LKAAEAR1: variants seen among roughly 807,000 people sequenced by gnomAD.
The protein encoded by LKAAEAR1 is protein LKAAEAR1.
In LKAAEAR1, 19 loss-of-function variants were observed where a neutral mutation model predicts 16.5. The observed-to-expected ratio is 1.15, with a 90% CI of 0.80 to 1.69. LKAAEAR1 has a LOEUF of 1.69. Ranked by LOEUF, LKAAEAR1 falls within the 40% of genes most tolerant of loss-of-function variation. The probability of loss-of-function intolerance (pLI) is 0.00; values close to 1 mark genes in which losing one functional copy is unlikely to be tolerated. For missense variants in LKAAEAR1, 304 were observed against 315.8 expected, an observed-to-expected ratio of 0.96 and a Z score of 0.28; for synonymous variants, 124 against 152.7, an observed-to-expected ratio of 0.81 and a Z score of 1.39.
chr20:64,084,254 C>CGGTGCCGGGGCT lies in LKAAEAR1; in HGVS notation c.-47_-36dup, dbSNP rs2060016175. On this transcript the variant is annotated 5_prime_UTR_variant, in exon 1 of 3. Coordinates refer to ENST00000302096, the MANE Select transcript of LKAAEAR1 (RefSeq NM_001353425.2). ...CTGCGGAGGGAGGAGGGCGTCCCGT[C>CGGTGCCGGGGCT]GGTGCCGGGGCTGGCACCGGGCCCT... is the stretch of plus-strand genomic sequence containing the variant. 3 of 1,353,048 alleles carry CGGTGCCGGGGCT rather than the reference C, an allele frequency of 2.2e-6. No individual in the cohort carries two copies. Among genetic ancestry groups the CGGTGCCGGGGCT allele is most frequent in the Non-Finnish European group, 1.9e-6 (2 of 1,058,994 alleles). The allele number at this position is 1,353,048 out of a possible 1,614,324, so 83.8% of individuals were successfully genotyped here.
Position 64,083,384 on chromosome 20 carries a change from A to G in LKAAEAR1, c.*51T>C. 6.2e-7 allele frequency: 1 copy of G among 1,610,630 alleles called. No homozygotes were observed. The highest frequency in any genetic ancestry group is 2.2e-5 in the East Asian group (1 of 44,598). ...AAAAAGACCAGCGAGCCTTCGGAGA[A>G]TTATAACTTTATGTGGGAGGCTGGG... On this transcript the variant is annotated 3_prime_UTR_variant, in exon 3 of 3. Coordinates refer to ENST00000302096, the MANE Select transcript of LKAAEAR1 (RefSeq NM_001353425.2). The surrounding 1 kb of genome is among the most constrained non-coding windows in gnomAD (Gnocchi z 4.9).
Position 64,083,914 on chromosome 20 carries a change from C to T in LKAAEAR1, c.306G>A (p.Leu102=), listed in dbSNP as rs532442708. The T allele has an allele frequency of 6.9e-7, 1 of 1,448,954 alleles. No individual in the cohort carries two copies. Among genetic ancestry groups the T allele is most frequent in the East Asian group, 3.0e-5 (1 of 32,926 alleles). The allele number at this position is 1,448,954 out of a possible 1,614,324, so 89.8% of individuals were successfully genotyped here. The change falls in exon 1 of 3, where the codon CTG becomes CTA. Residue 102 remains leucine, a synonymous_variant. Coordinates refer to ENST00000302096, the MANE Select transcript of LKAAEAR1 (RefSeq NM_001353425.2). The surrounding 1 kb of genome is among the most constrained non-coding windows in gnomAD (Gnocchi z 4.9). The part of the protein sequence containing the change: ...DPRPWTQSLE[L]PAERQNRLLG... ...GGAGCCGGTTCTGGCGCTCGGCGGGCAGCTCGAGCGACTGCGTCCACGGGC... is the reference window on the plus strand; with the variant it reads ...GGAGCCGGTTCTGGCGCTCGGCGGGTAGCTCGAGCGACTGCGTCCACGGGC...
At position 64,084,108 on chromosome 20, in the gene LKAAEAR1, C is replaced by G. The variant is rs1449094581; in HGVS notation, c.112G>C (p.Glu38Gln). The G allele has an allele frequency of 9.5e-6, 14 of 1,473,416 alleles. No homozygotes were observed. Among genetic ancestry groups the G allele is most frequent in the South Asian group, 9.0e-5 (7 of 77,466 alleles). The allele number at this position is 1,473,416 out of a possible 1,614,324, so 91.3% of individuals were successfully genotyped here. The change falls in exon 1 of 3, where the codon GAG becomes CAG. Residue 38 changes from glutamate (E) to glutamine (Q), a missense_variant. Transcript: ENST00000302096. ...AGGGCCCAGCCCGGCTTGGGGGGCT[C>G]TGTCGCGGGCGCCCCCTTGGCACGC... Reference protein sequence around the residue: ...EERAKGAPATEPPKPGWALTP... With the variant: ...EERAKGAPATQPPKPGWALTP...
At position 64,083,782 on chromosome 20, in the gene LKAAEAR1, G is replaced by A; in HGVS notation, c.402+36C>T. On this transcript the variant is annotated intron_variant, in intron 1 of 2. Coordinates refer to ENST00000302096, the MANE Select transcript of LKAAEAR1 (RefSeq NM_001353425.2). This position sits in a 1 kb window ranked among gnomAD's most constrained non-coding sequence, Gnocchi z 4.9. The stretch of plus-strand genomic sequence containing the variant: ...CGGCCGGCTCCGCTCAACGCTCCCG[G>A]TGCGCCCCCTCTGCCCTCCGACCCC... The A allele has an allele frequency of 1.5e-6, 2 of 1,334,394 alleles. No individual in the cohort carries two copies. Among genetic ancestry groups the A allele is most frequent in the South Asian group, 1.9e-5 (1 of 51,284 alleles). 82.7% of individuals were successfully genotyped at this position (1,334,394 alleles called of 1,614,324 possible).
At position 64,084,093 on chromosome 20, in the gene LKAAEAR1, C is replaced by A. The variant is rs1280956252; in HGVS notation, c.127G>T (p.Gly43Cys). 6.7e-7 allele frequency: 1 copy of A among 1,484,110 alleles called. No homozygotes were observed. Among genetic ancestry groups the A allele is most frequent in the South Asian group, 1.3e-5 (1 of 78,470 alleles). 91.9% of individuals were successfully genotyped at this position (1,484,110 alleles called of 1,614,324 possible). A position where few individuals can be genotyped will look rare whatever the true frequency, so the allele number is the denominator to read the frequency against. The part of the protein sequence containing the change: ...GAPATEPPKP[G>C]WALTPQGLAA... ...AGTCCCTGCGGCGTCAGGGCCCAGC[C>A]CGGCTTGGGGGGCTCTGTCGCGGGC... Residue 43 changes from glycine (G) to cysteine (C), a missense_variant, in exon 1 of 3, where the codon GGC becomes TGC. Gly to Cys is a radical substitution (Grantham distance 159). Coordinates refer to ENST00000302096, the MANE Select transcript of LKAAEAR1 (RefSeq NM_001353425.2).
rs1391351314 is a variant in LKAAEAR1 at position 64,083,692 on chromosome 20, G to C, written c.416C>G (p.Ala139Gly). The C allele has an allele frequency of 7.1e-7, 1 of 1,410,074 alleles. No individual in the cohort carries two copies. The highest frequency in any genetic ancestry group is 1.5e-5 in the African/African-American group (1 of 65,950). 87.3% of individuals were successfully genotyped at this position (1,410,074 alleles called of 1,614,324 possible). A position where few individuals can be genotyped will look rare whatever the true frequency, so the allele number is the denominator to read the frequency against. ...RYTRMRAEEI[A>G]LLIQRQKSAR... ...GGACTTCTGCCGCTGGATGAGCAGC[G>C]CGATCTCCTCGGCCTGCGGGGCCCG... Residue 139 changes from alanine to glycine, a missense_variant, in exon 2 of 3, where the codon GCG (alanine) becomes GGG (glycine). Physicochemically the swap from Ala to Gly is moderately conservative, Grantham distance 60 (BLOSUM62 0). Transcript: ENST00000302096. This position sits in a 1 kb window ranked among gnomAD's most constrained non-coding sequence, Gnocchi z 4.9.
chr20:64,084,155 G>A lies in LKAAEAR1; in HGVS notation c.65C>T (p.Pro22Leu), dbSNP rs2060012857. 2 of 1,455,208 alleles carry A rather than the reference G, an allele frequency of 1.4e-6. No homozygotes were observed. Among genetic ancestry groups the A allele is most frequent in the African/African-American group, 1.5e-5 (1 of 67,618 alleles). 90.1% of individuals were successfully genotyped at this position (1,455,208 alleles called of 1,614,324 possible). A position where few individuals can be genotyped will look rare whatever the true frequency, so the allele number is the denominator to read the frequency against. The part of the protein sequence containing the change: ...GPRERSGKSA[P>L]GTAQGEERAK... Reference sequence around the variant, plus strand: ...ACGCTCCTCACCCTGCGCCGTGCCTGGCGCGCTCTTCCCGCTTCGCTCCCG... The same window carrying A: ...ACGCTCCTCACCCTGCGCCGTGCCTAGCGCGCTCTTCCCGCTTCGCTCCCG... The change falls in exon 1 of 3, where the codon CCA becomes CTA. Residue 22 changes from proline (P) to leucine (L), a missense_variant. Pro to Leu is a moderately conservative substitution (Grantham distance 98). Coordinates refer to ENST00000302096, the MANE Select transcript of LKAAEAR1 (RefSeq NM_001353425.2).
chr20:64,084,202 C>A lies in LKAAEAR1; in HGVS notation c.18G>T (p.Lys6Asn). Reference protein sequence around the residue: MPPPAKEGGRKGPRER... With the variant: MPPPANEGGRKGPRER... ...CCCGCGGGCCCTTGCGCCCGCCCTC[C>A]TTCGCTGGCGGCGGCATCCTCCCGC... is the stretch of plus-strand genomic sequence containing the variant. The change falls in exon 1 of 3, where the codon AAG (lysine) becomes AAT (asparagine). Residue 6 changes from lysine (K) to asparagine (N), a missense_variant. Transcript: ENST00000302096. The A allele has an allele frequency of 7.0e-7, 1 of 1,425,128 alleles. No homozygotes were observed. Among genetic ancestry groups the A allele is most frequent in the Non-Finnish European group, 9.1e-7 (1 of 1,096,856 alleles). The allele number at this position is 1,425,128 out of a possible 1,614,324, so 88.3% of individuals were successfully genotyped here. A position where few individuals can be genotyped will look rare whatever the true frequency, so the allele number is the denominator to read the frequency against.
upstream of LKAAEAR1, among the ~76,000 whole-genome samples, chr20:64,084,814 A>G (rs2060024705): frequency 6.6e-6 from 1 of 152,194 alleles, no homozygotes; most frequent in Non-Finnish European, 1.5e-5. Context: ...TCGCTGTGCC[A>G]GAGGCAGAGC....
At position 64,084,148 on chromosome 20, in the gene LKAAEAR1, C is replaced by T. The variant is rs1157900781; in HGVS notation, c.72G>A (p.Thr24=). The change falls in exon 1 of 3, where the codon ACG becomes ACA. Residue 24 remains threonine (T), a synonymous_variant. Coordinates refer to ENST00000302096, the MANE Select transcript of LKAAEAR1 (RefSeq NM_001353425.2). ...RERSGKSAPG[T]AQGEERAKGA... ...CCTTGGCACGCTCCTCACCCTGCGC[C>T]GTGCCTGGCGCGCTCTTCCCGCTTC... is the stretch of plus-strand genomic sequence containing the variant. The T allele has an allele frequency of 1.4e-5, 20 of 1,456,424 alleles. No homozygotes were observed. Among genetic ancestry groups the T allele is most frequent in the Non-Finnish European group, 1.8e-5 (20 of 1,112,316 alleles). The allele number at this position is 1,456,424 out of a possible 1,614,324, so 90.2% of individuals were successfully genotyped here. A position where few individuals can be genotyped will look rare whatever the true frequency, so the allele number is the denominator to read the frequency against.
Position 64,084,212 on chromosome 20 carries a change from G to C in LKAAEAR1, c.8C>G (p.Pro3Arg), listed in dbSNP as rs2060014819. ...CTTGCGCCCGCCCTCCTTCGCTGGC[G>C]GCGGCATCCTCCCGCCCTGCGGAGG... MP[P>R]PAKEGGRKGP... Residue 3 changes from proline to arginine, a missense_variant, in exon 1 of 3, where the codon CCG (proline) becomes CGG (arginine). Pro to Arg is a moderately radical substitution (Grantham distance 103). Transcript: ENST00000302096. The C allele has an allele frequency of 2.8e-6, 4 of 1,416,510 alleles. No individual in the cohort carries two copies. Among genetic ancestry groups the C allele is most frequent in the African/African-American group, 1.5e-5 (1 of 66,466 alleles). 87.7% of individuals were successfully genotyped at this position (1,416,510 alleles called of 1,614,324 possible).
In LKAAEAR1 at chr20:64,083,781, G is replaced by C. The variant is rs560944241; in HGVS notation, c.402+37C>G. The C allele has an allele frequency of 5.8e-5, 76 of 1,306,464 alleles. 1 individual carries two copies. In the African/African-American group the frequency reaches 1.0e-3, roughly 18 times the overall value. The allele number at this position is 1,306,464 out of a possible 1,614,324, so 80.9% of individuals were successfully genotyped here. On this transcript the variant is annotated intron_variant, in intron 1 of 2. Coordinates refer to ENST00000302096, the MANE Select transcript of LKAAEAR1 (RefSeq NM_001353425.2). This position sits in a 1 kb window ranked among gnomAD's most constrained non-coding sequence, Gnocchi z 4.9. ...CCGGCCGGCTCCGCTCAACGCTCCC[G>C]GTGCGCCCCCTCTGCCCTCCGACCC...
chr20:64,083,877 T>C lies in LKAAEAR1; in HGVS notation c.343A>G (p.Lys115Glu), dbSNP rs2060004684. 1 of 1,436,334 alleles carries C rather than the reference T, an allele frequency of 7.0e-7. No homozygotes were observed. Among genetic ancestry groups the C allele is most frequent in the Admixed American group, 2.9e-5 (1 of 34,866 alleles). 89.0% of individuals were successfully genotyped at this position (1,436,334 alleles called of 1,614,324 possible). ...ERQNRLLGVL[K>E]AAEARGRVRA... ...ACTCGCCCGCGGGCCTCCGCTGCCT[T>C]GAGGACGCCGAGGAGCCGGTTCTGG... The change falls in exon 1 of 3, where the codon AAG becomes GAG. Residue 115 changes from lysine (K) to glutamate (E), a missense_variant. Coordinates refer to ENST00000302096, the MANE Select transcript of LKAAEAR1 (RefSeq NM_001353425.2). The surrounding 1 kb of genome is among the most constrained non-coding windows in gnomAD (Gnocchi z 4.9).
chr20:64,084,424 C>G, upstream of LKAAEAR1: 1 of 1,255,480 alleles, frequency 8.0e-7, no homozygotes, highest in Non-Finnish European at 1.0e-6. Flanking sequence ...AGCAGCTCTG[C>G]CATCGGCTGA....
chr20:64,083,840 C>T lies in LKAAEAR1; in HGVS notation c.380G>A (p.Arg127Gln), dbSNP rs747774749. The T allele has an allele frequency of 7.2e-7, 1 of 1,395,502 alleles. No individual in the cohort carries two copies. Among genetic ancestry groups the T allele is most frequent in the Non-Finnish European group, 9.2e-7 (1 of 1,081,722 alleles). The allele number at this position is 1,395,502 out of a possible 1,614,324, so 86.4% of individuals were successfully genotyped here. The stretch of plus-strand genomic sequence containing the variant: ...CACCCGCATGCGGGTGTAGCGCAGC[C>T]GCAGGGCGCGGACTCGCCCGCGGGC... ...AEARGRVRAL[R>Q]LRYTRMRAEE... is the part of the protein sequence containing the mutation. The change falls in exon 1 of 3, where the codon CGG (arginine) becomes CAG (glutamine). Residue 127 changes from arginine to glutamine, a missense_variant. Arg to Gln is a conservative substitution (Grantham distance 43, BLOSUM62 1). Coordinates refer to ENST00000302096, the MANE Select transcript of LKAAEAR1 (RefSeq NM_001353425.2). The surrounding 1 kb of genome is among the most constrained non-coding windows in gnomAD (Gnocchi z 4.9).
rs781567166 is a variant in LKAAEAR1 at position 64,084,042 on chromosome 20, G to A, written c.178C>T (p.His60Tyr). 6.7e-7 allele frequency: 1 copy of A among 1,503,020 alleles called. No homozygotes were observed. 93.1% of individuals were successfully genotyped at this position (1,503,020 alleles called of 1,614,324 possible). ...AGGTCGCCGAAGAGCAGATGGCGGT[G>A]GCGCTGCGCAGGGAGCATGGCCGCC... Reference protein sequence around the residue: ...GLAAMLPAQRHRHLLFGDLLE... With the variant: ...GLAAMLPAQRYRHLLFGDLLE... The change falls in exon 1 of 3, where the codon CAC (histidine) becomes TAC (tyrosine). Residue 60 changes from histidine to tyrosine, a missense_variant. His to Tyr is a moderately conservative substitution (Grantham distance 83). Coordinates refer to ENST00000302096, the MANE Select transcript of LKAAEAR1 (RefSeq NM_001353425.2).
In LKAAEAR1 at chr20:64,084,251, C is replaced by G; in HGVS notation, c.-32G>C. On this transcript the variant is annotated 5_prime_UTR_variant, in exon 1 of 3. Transcript: ENST00000302096. ...GCCCTGCGGAGGGAGGAGGGCGTCC[C>G]GTCGGTGCCGGGGCTGGCACCGGGC... is the stretch of plus-strand genomic sequence containing the variant. 1.5e-6 allele frequency: 2 copies of G among 1,353,472 alleles called. No homozygotes were observed. The highest frequency in any genetic ancestry group is 1.9e-6 in the Non-Finnish European group (2 of 1,059,188). 83.8% of individuals were successfully genotyped at this position (1,353,472 alleles called of 1,614,324 possible). A position where few individuals can be genotyped will look rare whatever the true frequency, so the allele number is the denominator to read the frequency against.
In LKAAEAR1 at chr20:64,084,233, G is replaced by C. The variant is rs1601627758; in HGVS notation, c.-14C>G. The stretch of plus-strand genomic sequence containing the variant: ...TGGCGGCGGCATCCTCCCGCCCTGC[G>C]GAGGGAGGAGGGCGTCCCGTCGGTG... On this transcript the variant is annotated 5_prime_UTR_variant, in exon 1 of 3. Coordinates refer to ENST00000302096, the MANE Select transcript of LKAAEAR1 (RefSeq NM_001353425.2). 7.3e-7 allele frequency: 1 copy of C among 1,369,328 alleles called. No individual in the cohort carries two copies. Among genetic ancestry groups the C allele is most frequent in the East Asian group, 3.1e-5 (1 of 32,172 alleles). The allele number at this position is 1,369,328 out of a possible 1,614,324, so 84.8% of individuals were successfully genotyped here.
In LKAAEAR1 at chr20:64,083,570, G is replaced by A. The variant is rs1482323913; in HGVS notation, c.525+13C>T. On this transcript the variant is annotated intron_variant, in intron 2 of 2. Transcript: ENST00000302096. The surrounding 1 kb of genome is among the most constrained non-coding windows in gnomAD (Gnocchi z 4.9). ...CCTCCCCTTTCCCCGCCCCTACCGG[G>A]GCTTGTCTGCACCTCTTGGCGGTCC... 3 of 1,526,604 alleles carry A rather than the reference G, an allele frequency of 2.0e-6. No individual in the cohort carries two copies. In the South Asian group the frequency reaches 3.6e-5, roughly 18 times the overall value. The allele number at this position is 1,526,604 out of a possible 1,614,324, so 94.6% of individuals were successfully genotyped here.
Sources: allele counts gnomAD v4.1 joint callset (sites outside exome capture counted in the v4.1 genomes callset), GRCh38; gene constraint gnomAD v4.1.1; non-coding constraint Gnocchi (gnomAD v3.1); transcripts MANE v1.5; gene names NCBI Gene and HGNC (gene_info 2026-07-23, HGNC 2026-07-21).